The following CAPZA2 variants were observed in gnomAD, a reference collection of about 807,000 sequenced individuals.
CAPZA2 encodes the protein capping actin protein of muscle Z-line subunit alpha 2.
In CAPZA2, 13 loss-of-function variants were observed where a neutral mutation model predicts 44.0. The observed-to-expected ratio is 0.30, with a 90% CI of 0.19 to 0.47. The LOEUF is 0.47. Among genes scored for constraint, CAPZA2 ranks in the 20% least tolerant of loss-of-function variants. CAPZA2 has a pLI of 1.00. For missense variants in CAPZA2, 244 were observed against 338.6 expected (o/e 0.72, Z 2.19); for synonymous variants, 94 against 108.2 (o/e 0.87, Z 0.81).
In CAPZA2 at chr7:116,904,221, G is replaced by A; in HGVS notation, c.264G>A (p.Leu88=). Residue 88 remains leucine, a synonymous_variant, in exon 5 of 10, where the codon TTG becomes TTA. Transcript: ENST00000361183. The stretch of plus-strand genomic sequence containing the variant: ...GCGACTTGGGAAATGGAAAGTTTTT[G>A]GATCCAAAGAACAGAATCTGTTTTA... The part of the protein sequence containing the change: ...EHGDLGNGKF[L]DPKNRICFKF... The A allele has an allele frequency of 6.2e-7, 1 of 1,613,638 alleles. No individual in the cohort carries two copies. Among genetic ancestry groups the A allele is most frequent in the Non-Finnish European group, 8.5e-7 (1 of 1,179,770 alleles).
intron 9 of CAPZA2, among the ~76,000 whole-genome samples, chr7:116,917,046 C>T (rs1791688926): frequency 6.6e-6 from 1 of 152,096 alleles, no homozygotes; most frequent in Admixed American, 6.5e-5. Flanking sequence ...TATTTATCAG[C>T]TTCTAAACTA....
At chr7:116,864,689 C>A (rs1011180696) in intron 1 of CAPZA2, among the ~76,000 whole-genome samples, 1 of 151,936 alleles carries the variant, frequency 6.6e-6, no homozygotes, top group African/African-American at 2.4e-5. Context: ...ACAGAGAGGA[C>A]TTAAAAGTGA....
At chr7:116,864,301 T>G (rs987460229) in intron 1 of CAPZA2, among the ~76,000 whole-genome samples, 3 of 152,252 alleles carry the variant, frequency 2.0e-5, no homozygotes, top group African/African-American at 7.2e-5. Flanking sequence ...TGCCATGTGT[T>G]GTAAAGGCCT....
intron 3 of CAPZA2, among the ~76,000 whole-genome samples, chr7:116,893,467 T>C (rs912733472): frequency 6.6e-6 from 1 of 152,192 alleles, no homozygotes; most frequent in Non-Finnish European, 1.5e-5. Flanking sequence ...GACATAGATA[T>C]TTGCACATCA....
chr7:116,888,303 G>C, intron 2 of CAPZA2, 113 bp downstream of exon 2: 1 of 633,568 alleles, frequency 1.6e-6, no homozygotes, highest in Non-Finnish European at 2.7e-6. Flanking sequence ...TGTGTTTTCT[G>C]AATTACAATG....
intron 4 of CAPZA2, among the ~76,000 whole-genome samples, chr7:116,901,931 A>G (rs1797001517): frequency 6.8e-6 from 1 of 146,268 alleles, no homozygotes; most frequent in Non-Finnish European, 1.5e-5. Flanking sequence ...ATATATATAT[A>G]TGTATATATT....
intron 7 of CAPZA2, 49 bp downstream of exon 7, chr7:116,910,360 A>C (rs1289970630): frequency 1.1e-6 from 1 of 882,670 alleles, no homozygotes; most frequent in South Asian, 1.4e-5. Context: ...CTGAACAGAG[A>C]AACAACTAAT....
intron 1 of CAPZA2, among the ~76,000 whole-genome samples, chr7:116,868,750 A>G (rs1186092064): frequency 6.6e-6 from 1 of 152,204 alleles, no homozygotes; most frequent in African/African-American, 2.4e-5. Flanking sequence ...TTTAAAAAAA[A>G]ATTCTTATTA....
intron 4 of CAPZA2, among the ~76,000 whole-genome samples, chr7:116,899,660 G>GTT (rs11402389): frequency 4.2e-3 from 594 of 142,276 alleles, no homozygotes; most frequent in African/African-American, 0.01. Context: ...GAAGATTTGG[G>GTT]TTTTTTTTTT....
At chr7:116,876,267 A>AT (rs1562957315) in intron 1 of CAPZA2, 2 of 151,976 alleles carry the variant, frequency 1.3e-5, no homozygotes. Flanking sequence ...AAAAAAAAAA[A>AT]GTTTAGAGCA....
chr7:116,879,822 C>G (rs1032609872), intron 1 of CAPZA2, among the ~76,000 whole-genome samples: 1 of 152,172 alleles, frequency 6.6e-6, no homozygotes, highest in African/African-American at 2.4e-5. Context: ...ATACTACATT[C>G]CCTCACCATT....
At chr7:116,902,823 A>G (rs778160238) in intron 4 of CAPZA2, among the ~76,000 whole-genome samples, 6 of 152,114 alleles carry the variant, frequency 3.9e-5, no homozygotes, top group Admixed American at 6.6e-5. Flanking sequence ...TGCAGCCTCA[A>G]TCTCCTGGGC....
intron 1 of CAPZA2, among the ~76,000 whole-genome samples, chr7:116,865,716 T>C (rs1408930443): frequency 6.6e-6 from 1 of 151,978 alleles, no homozygotes; most frequent in Admixed American, 6.6e-5. Flanking sequence ...TAGCTGGGAG[T>C]ACAGGCAGGT....
chr7:116,871,994 T>C (rs1163538765), intron 1 of CAPZA2, among the ~76,000 whole-genome samples: 2 of 150,842 alleles, frequency 1.3e-5, no homozygotes, highest in African/African-American at 5.0e-5. Flanking sequence ...CTTTTTGTTG[T>C]TGTTGTTGTT....
chr7:116,884,957 A>G (rs1796743748), intron 1 of CAPZA2, among the ~76,000 whole-genome samples: 1 of 152,112 alleles, frequency 6.6e-6, no homozygotes, highest in Non-Finnish European at 1.5e-5. Context: ...ATGTAGTAGT[A>G]TTTCGTGATT....
At chr7:116,881,103 C>T (rs1232916399) in intron 1 of CAPZA2, among the ~76,000 whole-genome samples, 1 of 152,014 alleles carries the variant, frequency 6.6e-6, no homozygotes, top group Non-Finnish European at 1.5e-5. Context: ...TAACCAAAGC[C>T]TCTATTAAAT....
In CAPZA2 at chr7:116,910,298, T is replaced by A; in HGVS notation, c.572T>A (p.Ile191Asn). Residue 191 changes from isoleucine to asparagine, a missense_variant, in exon 7 of 10, where the codon ATC becomes AAC. By Grantham distance (149) the Ile-to-Asn change is moderately radical. Coordinates refer to ENST00000361183, the MANE Select transcript of CAPZA2 (RefSeq NM_006136.3). ...CCTTCAACCACTCAAGTGGTTGGCA[T>A]CTTGAAAATTCAGGTATGAAAAATA... The part of the protein sequence containing the change: ...ITPSTTQVVG[I>N]LKIQVHYYED... 1 of 1,552,816 alleles carries A rather than the reference T, an allele frequency of 6.4e-7. No homozygotes were observed. The highest frequency in any genetic ancestry group is 8.9e-7 in the Non-Finnish European group (1 of 1,124,194).
At chr7:116,889,436 A>G (rs890412786) in intron 2 of CAPZA2, among the ~76,000 whole-genome samples, 30 of 152,032 alleles carry the variant, frequency 2.0e-4, no homozygotes, top group African/African-American at 7.0e-4. Flanking sequence ...AGTATAAGAT[A>G]TAGGACTGGG....
At chr7:116,863,429 C>A (rs541367874) in intron 1 of CAPZA2, among the ~76,000 whole-genome samples, 3 of 152,172 alleles carry the variant, frequency 2.0e-5, no homozygotes, top group Non-Finnish European at 4.4e-5. Flanking sequence ...GGACTTCTTC[C>A]GAAGAGGGGA....
Sources: gnomAD v4.1 joint callset for allele counts (sites outside exome capture counted in the v4.1 genomes callset) on GRCh38, gnomAD v4.1.1 for gene constraint, MANE v1.5 for transcripts, NCBI Gene and HGNC (gene_info 2026-07-23, HGNC 2026-07-21) for gene names.